Variants in TET1 observed in about 807,000 individuals in gnomAD.
TET1 encodes the protein methylcytosine dioxygenase TET1.
In TET1, 13 loss-of-function variants were observed where a neutral mutation model predicts 148.7. The ratio of observed to expected loss-of-function variants is 0.09; its 90% confidence interval spans 0.06 to 0.14. TET1 has a LOEUF of 0.14. Ranked by LOEUF, TET1 falls within the 10% of genes least tolerant of loss-of-function variation. The probability of loss-of-function intolerance (pLI) is 1.00; values close to 1 mark genes in which losing one functional copy is unlikely to be tolerated. For synonymous variants in TET1, 907 were observed against 937.2 expected, an observed-to-expected ratio of 0.97 and a Z score of 0.59; for missense variants, 2,182 against 2,553.8, an observed-to-expected ratio of 0.85 and a Z score of 3.14.
intron 8 of TET1, among the ~76,000 whole-genome samples, chr10:68,677,553 C>A (rs555438036): frequency 6.6e-6 from 1 of 152,096 alleles, no homozygotes; most frequent in Non-Finnish European, 1.5e-5. Context: ...TTTTTTGATA[C>A]GGGGCCTCAC....
chr10:68,578,834 A>G (rs2053760725), intron 2 of TET1, among the ~76,000 whole-genome samples: 1 of 152,020 alleles, frequency 6.6e-6, no homozygotes, highest in South Asian at 2.1e-4. Flanking sequence ...ATGAGTCACC[A>G]TGCCCAGCCC....
chr10:68,611,822 C>A (rs373446455), intron 3 of TET1, among the ~76,000 whole-genome samples: 5 of 138,076 alleles, frequency 3.6e-5, no homozygotes, highest in Admixed American at 2.4e-4. Flanking sequence ...GCCTCAGTCT[C>A]CATGAGTAGC....
At chr10:68,681,813 A>G (rs985044713) in intron 9 of TET1, among the ~76,000 whole-genome samples, 1 of 151,948 alleles carries the variant, frequency 6.6e-6, no homozygotes, top group Admixed American at 6.6e-5. Flanking sequence ...CTAAAAATAC[A>G]AAAATTAGCT....
chr10:68,690,479 G>A (rs369659413), intron 11 of TET1, among the ~76,000 whole-genome samples: 4 of 152,138 alleles, frequency 2.6e-5, no homozygotes, highest in Non-Finnish European at 5.9e-5. Flanking sequence ...GTGGTGGCAG[G>A]CGCCTGTAGT....
intron 2 of TET1, among the ~76,000 whole-genome samples, chr10:68,594,577 G>C (rs576704624): frequency 6.6e-6 from 1 of 152,082 alleles, no homozygotes; most frequent in Non-Finnish European, 1.5e-5. Context: ...TGGACCAACC[G>C]CTTACATCCG....
intron 8 of TET1, chr10:68,674,779 T>G (rs2055327193): frequency 2.0e-6 from 1 of 495,346 alleles, no homozygotes; most frequent in African/African-American, 2.0e-5. Flanking sequence ...AGACCTCTTA[T>G]GCTTAGCACC....
In TET1 at chr10:68,691,038, C is replaced by T; in HGVS notation, c.5635C>T (p.Pro1879Ser). The T allele has an allele frequency of 6.2e-7, 1 of 1,614,162 alleles. No homozygotes were observed. Among genetic ancestry groups the T allele is most frequent in the Non-Finnish European group, 8.5e-7 (1 of 1,180,012 alleles). The change falls in exon 12 of 12, where the codon CCC (proline) becomes TCC (serine). Residue 1879 changes from proline to serine, a missense_variant. By Grantham distance (74) the Pro-to-Ser change is moderately conservative. Around this residue, in one of 11 missense-constraint regions of TET1, gnomAD observed 380 missense variants for 387.9 expected, o/e 0.98. Coordinates refer to ENST00000373644, the MANE Select transcript of TET1 (RefSeq NM_030625.3). The surrounding 1 kb of genome is among the most constrained non-coding windows in gnomAD (Gnocchi z 4.4). ...CGGGTTTTCAGAAAGAAGCAGCACT[C>T]CCCACTGTACGATGCCTTCGGGAAG... is the stretch of plus-strand genomic sequence containing the variant. Reference protein sequence around the residue: ...SCGFSERSSTPHCTMPSGRLS... With the variant: ...SCGFSERSSTSHCTMPSGRLS...
chr10:68,642,708 G>A (rs200255389), intron 3 of TET1, among the ~76,000 whole-genome samples: 4 of 152,150 alleles, frequency 2.6e-5, no homozygotes, highest in East Asian at 1.9e-4. Context: ...GGGTTCAAGC[G>A]ATTCTCCTGC....
chr10:68,564,157 T>C (rs7906530), intron 1 of TET1, among the ~76,000 whole-genome samples: 143,652 of 148,548 alleles, frequency 0.97, 69,432 homozygotes, highest in Middle Eastern at 1. Flanking sequence ...TATTGTTTTC[T>C]TTTTTTTTTT....
intron 4 of TET1, among the ~76,000 whole-genome samples, chr10:68,648,827 G>T (rs900467055): frequency 9.9e-5 from 15 of 152,250 alleles, no homozygotes; most frequent in African/African-American, 3.6e-4. Flanking sequence ...TACTCAGACT[G>T]GTCTTGAACT....
chr10:68,569,936 T>C (rs2053648648), intron 1 of TET1, among the ~76,000 whole-genome samples: 2 of 152,148 alleles, frequency 1.3e-5, no homozygotes, highest in African/African-American at 4.8e-5. Context: ...GAATCTAAGG[T>C]TTAAAGGATA....
Position 68,646,098 on chromosome 10 carries a change from A to G in TET1, c.3369A>G (p.Ile1123Met), listed in dbSNP as rs3998860. ...AATACAATCAGGAGAAGGGCACAATACAACAGAAACCACCTTCAAGTGTAC... is the reference window on the plus strand; with the variant it reads ...AATACAATCAGGAGAAGGGCACAATGCAACAGAAACCACCTTCAAGTGTAC... ...QQKYNQEKGT[I>M]QQKPPSSVHN... The change falls in exon 4 of 12, where the codon ATA becomes ATG. Residue 1123 changes from isoleucine (I) to methionine (M), a missense_variant. By Grantham distance (10) the Ile-to-Met change is conservative (BLOSUM62 1). Transcript: ENST00000373644. The G allele has an allele frequency of 0.8, 1,293,219 of 1,613,732 alleles. 523,176 individuals are homozygous for G. Among genetic ancestry groups the G allele is most frequent in the Middle Eastern group, 0.86 (5,186 of 6,062 alleles).
chr10:68,627,692 C>G (rs770441429), intron 3 of TET1, among the ~76,000 whole-genome samples: 1 of 151,392 alleles, frequency 6.6e-6, no homozygotes, highest in Non-Finnish European at 1.5e-5. Context: ...TCTGGGAGGC[C>G]GAGACGGCAA....
Position 68,632,427 on chromosome 10 carries a change from A to G in TET1, c.1969-12271A>G, listed in dbSNP as rs182475189. On this transcript the variant is annotated intron_variant, in intron 3 of 11. Coordinates refer to ENST00000373644, the MANE Select transcript of TET1 (RefSeq NM_030625.3). ...AGGAGAGGAAGTCCCTTAAGCTCCT[A>G]GGATTTTTAGATGTTGAAAATACTC... is the stretch of plus-strand genomic sequence containing the variant. The G allele has an allele frequency of 6.8e-4, 1,089 of 1,612,154 alleles. 5 individuals carry two copies. The African/African-American group carries it at 0.012, about 18-fold the overall frequency.
At chr10:68,584,914 G>A (rs898043301) in intron 2 of TET1, among the ~76,000 whole-genome samples, 7 of 151,566 alleles carry the variant, frequency 4.6e-5, no homozygotes, top group South Asian at 4.2e-4. Flanking sequence ...TCCGTCTCCC[G>A]GGTTCAAGCG....
chr10:68,571,442 T>C (rs1379691576), intron 1 of TET1, among the ~76,000 whole-genome samples: 1 of 151,824 alleles, frequency 6.6e-6, no homozygotes, highest in East Asian at 1.9e-4. Context: ...TAGTTGAGAT[T>C]ATAGGTGTGC....
At chr10:68,602,103 AT>A (rs1158226825) in intron 3 of TET1, among the ~76,000 whole-genome samples, 4 of 152,128 alleles carry the variant, frequency 2.6e-5, no homozygotes, top group Non-Finnish European at 4.4e-5. Context: ...TATATACAGC[AT>A]TTTCATGTAC....
Position 68,574,198 on chromosome 10 carries a change from G to A in TET1, c.1860G>A (p.Lys620=), listed in dbSNP as rs2053703142. The change falls in exon 2 of 12, where the codon AAG becomes AAA. Residue 620 remains lysine, a synonymous_variant. Transcript: ENST00000373644. The part of the protein sequence containing the change: ...KNRKNSHQIC[K]KRKCEELKKK... ...GAAAGAACAGCCATCAGATCTGTAA[G>A]AAAAGAAAATGTGAGGAGCTGAAAA... 2 of 1,613,246 alleles carry A rather than the reference G, an allele frequency of 1.2e-6. No homozygotes were observed. Among genetic ancestry groups the A allele is most frequent in the Non-Finnish European group, 1.7e-6 (2 of 1,180,012 alleles).
chr10:68,632,642 C>G, intron 3 of TET1: 2 of 1,586,370 alleles, frequency 1.3e-6, no homozygotes, highest in Non-Finnish European at 1.7e-6. Flanking sequence ...GAAAGAATTG[C>G]CAGAGAAGAA....
Sources: allele counts gnomAD v4.1 joint callset (sites outside exome capture counted in the v4.1 genomes callset), GRCh38; gene constraint gnomAD v4.1.1; regional missense constraint gnomAD v4.1.1; non-coding constraint Gnocchi (gnomAD v3.1); transcripts MANE v1.5; gene names NCBI Gene and HGNC (gene_info 2026-07-23, HGNC 2026-07-21).